Variants in YBX1 observed in about 807,000 individuals in gnomAD.
The protein encoded by YBX1 is Y-box binding protein 1, also known as Y-box-binding protein 1.
In YBX1, 3 loss-of-function variants were observed where a neutral mutation model predicts 41.4. The ratio of observed to expected loss-of-function variants is 0.07; its 90% CI spans 0.03 to 0.19. The LOEUF is 0.19. Among genes scored for constraint, YBX1 ranks in the 10% least tolerant of loss-of-function variants. The probability of loss-of-function intolerance (pLI) is 1.00; values close to 1 mark genes in which losing one functional copy is unlikely to be tolerated. For missense variants in YBX1, 274 were observed against 462.8 expected (o/e 0.59, Z 3.74); for synonymous variants, 133 against 165.8 (o/e 0.80, Z 1.52).
intron 6 of YBX1, among the ~76,000 whole-genome samples, chr1:42,699,649 T>C (rs1650546158): frequency 6.6e-6 from 1 of 151,540 alleles, no homozygotes; most frequent in South Asian, 2.1e-4. Flanking sequence ...TTTGTAGAAA[T>C]GGAGTTGCAC....
At chr1:42,686,792 C>T (rs906161206) in intron 2 of YBX1, among the ~76,000 whole-genome samples, 3 of 152,162 alleles carry the variant, frequency 2.0e-5, no homozygotes, top group Non-Finnish European at 2.9e-5. Flanking sequence ...ACCTTTGAGG[C>T]GTAGGTACTG....
rs1370184591 is a variant in YBX1 at position 42,696,782 on chromosome 1, T to C, written c.495T>C (p.Ser165=). The change falls in exon 5 of 8, where the codon AGT becomes AGC. Residue 165 remains serine, a synonymous_variant. Transcript: ENST00000321358. This position sits in a 1 kb window ranked among gnomAD's most constrained non-coding sequence, Gnocchi z 5.7. ...ATTACCAGCAAAATTACCAGAATAG[T>C]GAGAGTGGGGAAAAGAACGAGGGAT... ...PRNYQQNYQN[S]ESGEKNEGSE... The C allele has an allele frequency of 1.2e-6, 2 of 1,613,432 alleles. No homozygotes were observed. Among genetic ancestry groups the C allele is most frequent in the African/African-American group, 2.7e-5 (2 of 74,852 alleles).
intron 1 of YBX1, 34 bp downstream of exon 1, chr1:42,682,765 C>G: frequency 2.5e-6 from 3 of 1,186,454 alleles, no homozygotes; most frequent in African/African-American, 1.6e-5. Context: ...GTGGGGCCCT[C>G]GGGCAGCCCA....
At chr1:42,684,251 G>A (rs746727980) in intron 2 of YBX1, among the ~76,000 whole-genome samples, 1 of 152,228 alleles carries the variant, frequency 6.6e-6, no homozygotes, top group Non-Finnish European at 1.5e-5. Flanking sequence ...GTTGTTTGTA[G>A]GAGTGGTGGT....
At chr1:42,683,126 G>C (rs1230619999) in intron 1 of YBX1, 2 of 611,868 alleles carry the variant, frequency 3.3e-6, no homozygotes, top group African/African-American at 1.9e-5. Context: ...GGCCGGAGCG[G>C]CTTCCCCTTC....
intron 2 of YBX1, among the ~76,000 whole-genome samples, chr1:42,691,766 T>G (rs1480472439): frequency 6.6e-6 from 1 of 152,228 alleles, no homozygotes; most frequent in African/African-American, 2.4e-5. Context: ...TAAACAAATT[T>G]ACTTTCTATA....
chr1:42,695,899 T>C (rs966141319), intron 3 of YBX1, among the ~76,000 whole-genome samples: 14 of 152,240 alleles, frequency 9.2e-5, no homozygotes, highest in African/African-American at 3.4e-4. Flanking sequence ...TTAAAAGTTA[T>C]ATATAATGCT....
chr1:42,691,031 T>C (rs1166013988), intron 2 of YBX1, among the ~76,000 whole-genome samples: 2 of 152,216 alleles, frequency 1.3e-5, no homozygotes, highest in Non-Finnish European at 2.9e-5. Context: ...TGCAGCTGTC[T>C]AATATTTGAG....
At chr1:42,697,080 A>G (rs777517750) in intron 5 of YBX1, 100 bp from the exon 6 acceptor site, 23 of 1,480,312 alleles carry the variant, frequency 1.6e-5, no homozygotes, top group Non-Finnish European at 2.1e-5. Context: ...CAATTACTAG[A>G]TGGTCTGTTT....
chr1:42,690,247 C>CTT (rs201469298), intron 2 of YBX1, among the ~76,000 whole-genome samples: 61 of 143,922 alleles, frequency 4.2e-4, no homozygotes, highest in Non-Finnish European at 6.2e-4. Context: ...TTTTTCTTTT[C>CTT]TTTTTTTTTT....
At chr1:42,684,813 C>T (rs1232903616) in intron 2 of YBX1, among the ~76,000 whole-genome samples, 1 of 152,184 alleles carries the variant, frequency 6.6e-6, no homozygotes, top group Non-Finnish European at 1.5e-5. Flanking sequence ...TCTCTCTGAA[C>T]TTTCTAGTGT....
intron 6 of YBX1, among the ~76,000 whole-genome samples, chr1:42,698,905 A>G (rs1030098218): frequency 1.3e-5 from 2 of 152,224 alleles, no homozygotes; most frequent in Admixed American, 6.5e-5. Flanking sequence ...TAAATGAAAC[A>G]TGCTGCCCCT....
At chr1:42,701,159 T>G (rs1181088574) in intron 7 of YBX1, 113 bp downstream of exon 7, 2 of 735,216 alleles carry the variant, frequency 2.7e-6, no homozygotes, top group East Asian at 5.4e-5. Flanking sequence ...AAAGCCATGT[T>G]ATTTATAATG....
At position 42,697,218 on chromosome 1, in the gene YBX1, A is replaced by G. The variant is rs773069440; in HGVS notation, c.696A>G (p.Pro232=). The G allele has an allele frequency of 3.1e-6, 5 of 1,614,152 alleles. No individual in the cohort carries two copies. The highest frequency in any genetic ancestry group is 1.7e-6 in the Non-Finnish European group (2 of 1,180,034). ...DNQGAGEQGR[P]VRQNMYRGYR... ...AGGGTGCAGGAGAACAAGGTAGACC[A>G]GTGAGGCAGAATATGTATCGGGGAT... The change falls in exon 6 of 8, where the codon CCA becomes CCG. Residue 232 remains proline, a synonymous_variant. Transcript: ENST00000321358.
intron 3 of YBX1, among the ~76,000 whole-genome samples, chr1:42,695,135 A>AT (rs1271099339): frequency 6.6e-6 from 1 of 152,142 alleles, no homozygotes; most frequent in Non-Finnish European, 1.5e-5. Context: ...ATATGCTTTC[A>AT]TTTTTTTGGA....
At chr1:42,684,466 G>A (rs368883294) in intron 2 of YBX1, among the ~76,000 whole-genome samples, 4 of 152,284 alleles carry the variant, frequency 2.6e-5, no homozygotes, top group African/African-American at 7.2e-5. Flanking sequence ...CTAAGCAGAT[G>A]ATTAAAAGAA....
At chr1:42,701,094 A>ACCATTT in intron 7 of YBX1, 48 bp downstream of exon 7, 1 of 1,429,120 alleles carries the variant, frequency 7.0e-7, no homozygotes, top group Non-Finnish European at 9.6e-7. Context: ...GTGAGTGGTG[A>ACCATTT]CCATTTCGTT....
chr1:42,682,444 G>A lies in YBX1; in HGVS notation c.-122G>A. On this transcript the variant is annotated 5_prime_UTR_variant, in exon 1 of 8. Coordinates refer to ENST00000321358, the MANE Select transcript of YBX1 (RefSeq NM_004559.5). ...TTCTCGCTAGTTCGATCGGTAGCGG[G>A]AGCGGAGAGCGGACCCCAGAGAGCC... The A allele has an allele frequency of 2.6e-6, 3 of 1,163,878 alleles. No individual in the cohort carries two copies. The highest frequency in any genetic ancestry group is 3.3e-6 in the Non-Finnish European group (3 of 904,390). 72.1% of individuals were successfully genotyped at this position (1,163,878 alleles called of 1,614,324 possible). A position where few individuals can be genotyped will look rare whatever the true frequency, so the allele number is the denominator to read the frequency against.
chr1:42,695,253 C>T (rs944731292), intron 3 of YBX1, among the ~76,000 whole-genome samples: 4 of 152,132 alleles, frequency 2.6e-5, no homozygotes, highest in South Asian at 2.1e-4. Context: ...GCCTCAGATT[C>T]GTTGATTGTC....
Sources: allele counts gnomAD v4.1 joint callset (sites outside exome capture counted in the v4.1 genomes callset), GRCh38; gene constraint gnomAD v4.1.1; non-coding constraint Gnocchi (gnomAD v3.1); transcripts MANE v1.5; gene names NCBI Gene and HGNC (gene_info 2026-07-23, HGNC 2026-07-21).